The following SWI5 variants were observed in gnomAD, a reference collection of about 807,000 sequenced individuals.
SWI5 encodes DNA repair protein SWI5 homolog.
In SWI5, 12 loss-of-function variants were observed where a neutral mutation model predicts 17.0. The ratio of observed to expected loss-of-function variants is 0.71; its 90% CI spans 0.45 to 1.14. The LOEUF (loss-of-function observed/expected upper bound fraction) is 1.14, where lower values mean the gene tolerates loss of function less well. Ranked by LOEUF, SWI5 falls within the 50% of genes most tolerant of loss-of-function variation. The pLI, the probability that SWI5 is intolerant of heterozygous loss-of-function variation, is 0.00. For missense variants in SWI5, 158 were observed against 162.2 expected (o/e 0.97, Z 0.14); for synonymous variants, 61 against 64.0 (o/e 0.95, Z 0.22).
At chr9:128,278,072 C>T (rs548009959) in intron 2 of SWI5, among the ~76,000 whole-genome samples, 7 of 151,464 alleles carry the variant, frequency 4.6e-5, no homozygotes, top group Non-Finnish European at 2.9e-5. Flanking sequence ...CTTGCCTCAG[C>T]GTCCCAAATA....
At chr9:128,278,502 G>A (rs1049916317) in intron 2 of SWI5, 2 of 377,580 alleles carry the variant, frequency 5.3e-6, no homozygotes, top group Admixed American at 3.3e-5. Flanking sequence ...AGGGGGTGGA[G>A]GTTGCAGTGA....
exon 1 of SWI5, chr9:128,276,361 G>A: frequency 6.2e-7 from 1 of 1,613,304 alleles, no homozygotes; most frequent in Non-Finnish European, 8.5e-7. Flanking sequence ...TTGCGCCATT[G>A]AACCCCCTGA....
At position 128,276,646 on chromosome 9, in the gene SWI5, T is replaced by A. The variant is rs750515846; in HGVS notation, c.63-61T>A. 1.9e-6 allele frequency: 3 copies of A among 1,613,870 alleles called. No homozygotes were observed. The South Asian group carries it at 3.3e-5, about 18-fold the overall frequency. On this transcript the variant is annotated intron_variant, in intron 1 of 4. Coordinates refer to ENST00000418976, the Ensembl canonical transcript of SWI5. ...TGCTCCTCCTCCCGCATCCCCACAG[T>A]ACCCCGTCCTCACAGCGGGCTGTGG...
upstream of SWI5, chr9:128,275,988 C>G (rs748841129): frequency 6.9e-6 from 11 of 1,597,586 alleles, no homozygotes; most frequent in Admixed American, 3.5e-5. Flanking sequence ...AGCGCGATCC[C>G]GGCAACCACT....
intron 2 of SWI5, among the ~76,000 whole-genome samples, chr9:128,280,153 C>T (rs1831510919): frequency 6.6e-6 from 1 of 152,086 alleles, no homozygotes; most frequent in South Asian, 2.1e-4. Flanking sequence ...CAGTCTCTTG[C>T]CTCAGCACCT....
At chr9:128,287,019 T>A (rs1001878428) in intron 4 of SWI5, among the ~76,000 whole-genome samples, 9 of 151,384 alleles carry the variant, frequency 5.9e-5, no homozygotes, top group Non-Finnish European at 1.5e-5. Flanking sequence ...GGCACATGTG[T>A]AATCCCAGCT....
chr9:128,276,306 C>G (rs978957695), exon 1 of SWI5: 11 of 1,612,902 alleles, frequency 6.8e-6, no homozygotes, highest in Non-Finnish European at 9.3e-6. Context: ...GTTCCTGGCC[C>G]GGTGCACCTG....
intron 2 of SWI5, among the ~76,000 whole-genome samples, chr9:128,277,984 ACT>A (rs371319396): frequency 8.3e-4 from 98 of 118,154 alleles, no homozygotes; most frequent in African/African-American, 3.1e-3. Context: ...ACACAGTCGC[ACT>A]CTGTCGCCCG....
chr9:128,279,091 T>TAC (rs1274213642), intron 2 of SWI5, among the ~76,000 whole-genome samples: 1 of 152,056 alleles, frequency 6.6e-6, no homozygotes, highest in East Asian at 1.9e-4. Flanking sequence ...TCTTAAGCGG[T>TAC]ACCTTGGGCT....
chr9:128,286,903 T>C (rs2131425303), intron 4 of SWI5, among the ~76,000 whole-genome samples: 1 of 151,996 alleles, frequency 6.6e-6, no homozygotes, highest in East Asian at 1.9e-4. Context: ...CCCAGCACCG[T>C]GGGAGGCCGA....
chr9:128,280,510 T>TAAA (rs776076324), intron 2 of SWI5, among the ~76,000 whole-genome samples: 7 of 133,428 alleles, frequency 5.2e-5, no homozygotes, highest in Non-Finnish European at 9.8e-5. Flanking sequence ...CTGTTCTTTT[T>TAAA]AAAAAAAAAA....
chr9:128,284,771 C>G (rs1217315051), intron 3 of SWI5, 140 bp downstream of exon 3: 1 of 991,448 alleles, frequency 1.0e-6, no homozygotes, highest in Non-Finnish European at 1.4e-6. Context: ...GCCTGGCCAA[C>G]ATGGCAAAAC....
chr9:128,276,165 G>A (rs1466830513), upstream of SWI5: 5 of 1,571,064 alleles, frequency 3.2e-6, no homozygotes, highest in Non-Finnish European at 8.6e-7. Context: ...CGTGGCCAGA[G>A]GGACCTGTGG....
At chr9:128,276,047 G>A (rs1227428297), upstream of SWI5, 7 of 1,587,948 alleles carry the variant, frequency 4.4e-6, no homozygotes, top group Non-Finnish European at 5.1e-6. Context: ...GCCAGAGGAG[G>A]CGTAACCAGG....
At chr9:128,286,156 G>T in intron 4 of SWI5, 123 bp downstream of exon 4, 2 of 676,896 alleles carry the variant, frequency 3.0e-6, no homozygotes, top group South Asian at 3.5e-5. Flanking sequence ...CAGTTGGCCT[G>T]CTCCTAGGCT....
chr9:128,282,026 G>A (rs1179614267), intron 2 of SWI5, among the ~76,000 whole-genome samples: 5 of 152,206 alleles, frequency 3.3e-5, no homozygotes, highest in Admixed American at 6.5e-5. Flanking sequence ...CTACAGTGAG[G>A]TGTGATTGTG....
At chr9:128,287,655 A>G (rs1217450401) in intron 4 of SWI5, among the ~76,000 whole-genome samples, 2 of 135,940 alleles carry the variant, frequency 1.5e-5, no homozygotes, top group African/African-American at 5.6e-5. Flanking sequence ...TCCACCTCCC[A>G]GGTTCAAGTG....
intron 4 of SWI5, among the ~76,000 whole-genome samples, chr9:128,287,900 C>T (rs1251914340): frequency 6.6e-6 from 1 of 152,072 alleles, no homozygotes. Flanking sequence ...TGAGCAGCTG[C>T]TCTGTGCCCA....
chr9:128,277,947 TC>T lies in SWI5; in HGVS notation c.111+1193del, dbSNP rs1448380873. On this transcript the variant is annotated intron_variant, in intron 2 of 4. Coordinates refer to ENST00000418976, the Ensembl canonical transcript of SWI5. ...CTCATTCATGCTAATTCATTCCTTC[TC>T]TTTTTTTTTTTTTTTTTTTTTTGAG... is the stretch of plus-strand genomic sequence containing the variant. 3.8e-3 allele frequency among the ~76,000 whole-genome samples: 445 copies of T among 117,826 alleles called. 4 individuals are homozygous for T. The highest frequency in any genetic ancestry group is 0.013 in the African/African-American group (404 of 32,036). The allele number at this position is 117,826 out of a possible 152,430, so 77.3% of individuals were successfully genotyped here.
Sources: allele counts gnomAD v4.1 joint callset (sites outside exome capture counted in the v4.1 genomes callset), GRCh38; gene constraint gnomAD v4.1.1; transcripts MANE v1.5; gene names NCBI Gene and HGNC (gene_info 2026-07-23, HGNC 2026-07-21).